CTNNA3: variants seen among roughly 807,000 people sequenced by gnomAD.
CTNNA3 encodes catenin alpha-3.
A neutral mutation model predicts 95.7 loss-of-function variants in CTNNA3; 76 were observed. That is an observed-to-expected ratio of 0.79 (90% CI 0.66 to 0.96). The LOEUF is 0.96. Among genes scored for constraint, CTNNA3 ranks in the 40% least tolerant of loss-of-function variants. The probability of loss-of-function intolerance (pLI) is 0.00; values close to 1 mark genes in which losing one functional copy is unlikely to be tolerated. For missense variants in CTNNA3, 1,191 were observed against 1,089.8 expected, an observed-to-expected ratio of 1.09 and a Z score of -1.31; for synonymous variants, 431 against 374.4, an observed-to-expected ratio of 1.15 and a Z score of -1.74.
At chr10:66,434,846 T>C (rs2093325788) in intron 11 of CTNNA3, among the ~76,000 whole-genome samples, 1 of 152,218 alleles carries the variant, frequency 6.6e-6, no homozygotes, top group South Asian at 2.1e-4. Context: ...TGAGAGTTTT[T>C]AGCATGAAGG....
At chr10:66,741,623 G>A (rs1849328781) in intron 9 of CTNNA3, among the ~76,000 whole-genome samples, 1 of 152,162 alleles carries the variant, frequency 6.6e-6, no homozygotes, top group South Asian at 2.1e-4. Flanking sequence ...CCTTTGCTGG[G>A]TTCTACTGCA....
At chr10:66,289,986 C>A (rs1365907796) in intron 12 of CTNNA3, among the ~76,000 whole-genome samples, 3 of 151,910 alleles carry the variant, frequency 2.0e-5, no homozygotes, top group Admixed American at 6.6e-5. Context: ...TATTTATTTT[C>A]TCTGGCTATA....
intron 13 of CTNNA3, among the ~76,000 whole-genome samples, chr10:66,150,923 T>C (rs2084167475): frequency 1.3e-5 from 2 of 152,094 alleles, no homozygotes; most frequent in African/African-American, 4.8e-5. Flanking sequence ...TAATAAGGGA[T>C]GGGACTGTAT....
chr10:66,404,530 A>G (rs915034751), intron 11 of CTNNA3, among the ~76,000 whole-genome samples: 4 of 152,276 alleles, frequency 2.6e-5, no homozygotes, highest in African/African-American at 9.6e-5. Context: ...TAATGTCCTG[A>G]CTGTCTTGAG....
At chr10:66,410,499 C>A (rs898885252) in intron 11 of CTNNA3, among the ~76,000 whole-genome samples, 1 of 152,170 alleles carries the variant, frequency 6.6e-6, no homozygotes, top group Middle Eastern at 3.2e-3. Context: ...AGCTTCTGTG[C>A]CTTGGCCCCA....
At chr10:65,998,908 T>C (rs1827087047) in intron 15 of CTNNA3, among the ~76,000 whole-genome samples, 1 of 152,120 alleles carries the variant, frequency 6.6e-6, no homozygotes, top group Non-Finnish European at 1.5e-5. Context: ...ACTTGTGCCC[T>C]GTAAGCCAAG....
chr10:67,345,032 T>C (rs1453834440), intron 5 of CTNNA3, among the ~76,000 whole-genome samples: 2 of 152,094 alleles, frequency 1.3e-5, no homozygotes, highest in African/African-American at 4.8e-5. Flanking sequence ...CAGGTTTTGG[T>C]ATGTTGTGTT....
chr10:66,127,721 C>T (rs2082891031), intron 13 of CTNNA3, among the ~76,000 whole-genome samples: 1 of 152,242 alleles, frequency 6.6e-6, no homozygotes, highest in African/African-American at 2.4e-5. Flanking sequence ...AACAAAAGTA[C>T]TATATGAATG....
At chr10:66,268,301 A>G (rs1395574769) in intron 13 of CTNNA3, among the ~76,000 whole-genome samples, 4 of 152,144 alleles carry the variant, frequency 2.6e-5, no homozygotes, top group Non-Finnish European at 4.4e-5. Context: ...AACCAAGACT[A>G]TGACAGAAGT....
At chr10:67,212,603 AC>A (rs1211643354) in intron 6 of CTNNA3, among the ~76,000 whole-genome samples, 1 of 151,854 alleles carries the variant, frequency 6.6e-6, no homozygotes, top group East Asian at 1.9e-4. Flanking sequence ...TTTTACAGAA[AC>A]CCTTTATCAA....
intron 11 of CTNNA3, among the ~76,000 whole-genome samples, chr10:66,494,033 G>T (rs978798269): frequency 6.8e-6 from 1 of 147,454 alleles, no homozygotes; most frequent in Non-Finnish European, 1.5e-5. Flanking sequence ...TCAGCCTCTC[G>T]AGTAGCTAGG....
chr10:67,164,356 A>C (rs781527591), intron 7 of CTNNA3, among the ~76,000 whole-genome samples: 2 of 152,124 alleles, frequency 1.3e-5, no homozygotes, highest in Non-Finnish European at 2.9e-5. Flanking sequence ...AAGTAATCCA[A>C]TGGAGGAACA....
intron 7 of CTNNA3, among the ~76,000 whole-genome samples, chr10:67,138,834 T>C (rs1425239427): frequency 6.6e-6 from 1 of 152,158 alleles, no homozygotes; most frequent in Admixed American, 6.5e-5. Flanking sequence ...TGGGATATCC[T>C]AGAGATTTTA....
intron 15 of CTNNA3, among the ~76,000 whole-genome samples, chr10:66,036,862 A>ATTTTT (rs57081880): frequency 4.2e-5 from 4 of 95,702 alleles, no homozygotes; most frequent in Non-Finnish European, 5.9e-5. Context: ...AGTAGTTCCA[A>ATTTTT]TTTTTTTTTT....
chr10:67,021,304 T>G (rs1037874874), intron 7 of CTNNA3, among the ~76,000 whole-genome samples: 2 of 152,132 alleles, frequency 1.3e-5, no homozygotes, highest in Non-Finnish European at 2.9e-5. Context: ...AGCCAAAAAT[T>G]TAAACAATAA....
chr10:67,117,667 C>G lies in CTNNA3; in HGVS notation c.1047+62650G>C, dbSNP rs183202899. Among the ~76,000 whole-genome samples the G allele has an allele frequency of 3.9e-4, 59 of 151,950 alleles. No homozygotes were observed. The East Asian group carries it at 0.011, about 27-fold the overall frequency. Reference sequence around the variant, plus strand: ...TTTCATTCAGAATTTTTTAAATGTGCAAATTCAATTATAAAGCCATGGTGA... The same window carrying G: ...TTTCATTCAGAATTTTTTAAATGTGGAAATTCAATTATAAAGCCATGGTGA... On this transcript the variant is annotated intron_variant, in intron 7 of 17. Transcript: ENST00000433211.
At chr10:67,275,378 T>C (rs1839147636) in intron 5 of CTNNA3, among the ~76,000 whole-genome samples, 1 of 152,070 alleles carries the variant, frequency 6.6e-6, no homozygotes, top group Admixed American at 6.6e-5. Context: ...TCAAAGAAAA[T>C]GTCTTTATGT....
chr10:66,279,474 C>T (rs1403559606), intron 13 of CTNNA3, among the ~76,000 whole-genome samples: 1 of 152,032 alleles, frequency 6.6e-6, no homozygotes, highest in Admixed American at 6.6e-5. Context: ...CTTGATTGGC[C>T]CTGAACATGA....
chr10:67,416,730 G>A (rs1397202661), intron 5 of CTNNA3, among the ~76,000 whole-genome samples: 3 of 151,154 alleles, frequency 2.0e-5, no homozygotes, highest in Non-Finnish European at 4.4e-5. Flanking sequence ...AGAAATGCAA[G>A]TCAAAACCAC....
Sources: gnomAD v4.1 joint callset for allele counts (sites outside exome capture counted in the v4.1 genomes callset) on GRCh38, gnomAD v4.1.1 for gene constraint, MANE v1.5 for transcripts, NCBI Gene and HGNC (gene_info 2026-07-23, HGNC 2026-07-21) for gene names.